Variants in EFNA5 observed in about 807,000 individuals in gnomAD.
EFNA5 encodes ephrin A5, also known as ephrin-A5.
A neutral mutation model predicts 22.9 loss-of-function variants in EFNA5; 5 were observed. The ratio of observed to expected loss-of-function variants is 0.22; its 90% CI spans 0.11 to 0.46. EFNA5 has a LOEUF of 0.46. Among genes scored for constraint, EFNA5 ranks in the 20% least tolerant of loss-of-function variants. The pLI, the probability that EFNA5 is intolerant of heterozygous loss-of-function variation, is 0.99. For synonymous variants in EFNA5, 113 were observed against 112.2 expected (o/e 1.01, Z -0.04); for missense variants, 237 against 293.3 (o/e 0.81, Z 1.40).
Position 107,462,015 on chromosome 5 carries a change from T to C in EFNA5, c.126-34506A>G, listed in dbSNP as rs138776606. Among the ~76,000 whole-genome samples the C allele has an allele frequency of 1.1e-4, 16 of 152,300 alleles. No homozygotes were observed. In the East Asian group the frequency reaches 2.9e-3, roughly 28 times the overall value. Reference sequence around the variant, plus strand: ...TGCCCTGCACAGAGCAACCTCTTCATCAATTATTTCCTGCAACTCTTCAGA... The same window carrying C: ...TGCCCTGCACAGAGCAACCTCTTCACCAATTATTTCCTGCAACTCTTCAGA... On this transcript the variant is annotated intron_variant, in intron 1 of 4. Transcript: ENST00000333274.
intron 1 of EFNA5, among the ~76,000 whole-genome samples, chr5:107,585,845 G>A (rs986638943): frequency 2.0e-5 from 3 of 152,196 alleles, no homozygotes; most frequent in African/African-American, 7.2e-5. Flanking sequence ...CATCTGGATG[G>A]CAATCAATCA....
At chr5:107,564,631 GTTTT>G in intron 1 of EFNA5, among the ~76,000 whole-genome samples, 1 of 115,032 alleles carries the variant, frequency 8.7e-6, no homozygotes, top group Middle Eastern at 4.8e-3. Flanking sequence ...TTGGGTTTTT[GTTTT>G]TTTTTTTTTT....
chr5:107,522,182 A>G (rs1046209861), intron 1 of EFNA5, among the ~76,000 whole-genome samples: 4 of 152,254 alleles, frequency 2.6e-5, no homozygotes, highest in Non-Finnish European at 4.4e-5. Flanking sequence ...TTTTATATGA[A>G]TTTGTACTCA....
intron 1 of EFNA5, among the ~76,000 whole-genome samples, chr5:107,495,610 A>G (rs532326934): frequency 6.1e-4 from 93 of 152,322 alleles, no homozygotes; most frequent in Non-Finnish European, 1.1e-3. Flanking sequence ...CAGAATATGC[A>G]GTCTTGTGTA....
chr5:107,595,085 C>A (rs1277323329), intron 1 of EFNA5, among the ~76,000 whole-genome samples: 1 of 151,972 alleles, frequency 6.6e-6, no homozygotes, highest in African/African-American at 2.4e-5. Flanking sequence ...TTGGTCCCCC[C>A]TTTAGTAACC....
intron 2 of EFNA5, among the ~76,000 whole-genome samples, chr5:107,408,672 T>C (rs1230106001): frequency 1.3e-5 from 2 of 152,230 alleles, no homozygotes; most frequent in Non-Finnish European, 2.9e-5. Context: ...TGTCATTCTC[T>C]TTATATTGGC....
rs372825412 is a variant in EFNA5 at position 107,425,099 on chromosome 5, A to C, written c.418+2118T>G. On this transcript the variant is annotated intron_variant, in intron 2 of 4. Transcript: ENST00000333274. Reference sequence around the variant, plus strand: ...AATTACTTTGACGGAAGCCCTTGACAGTTAAATGACTCCGTTAAATGAATG... The same window carrying C: ...AATTACTTTGACGGAAGCCCTTGACCGTTAAATGACTCCGTTAAATGAATG... Among the ~76,000 whole-genome samples the C allele has an allele frequency of 1.4e-4, 21 of 152,370 alleles. No individual in the cohort carries two copies. In the East Asian group the frequency reaches 2.3e-3, roughly 17 times the overall value.
At chr5:107,426,960 T>C (rs1748825228) in intron 2 of EFNA5, 8 of 399,114 alleles carry the variant, frequency 2.0e-5, no homozygotes, top group Non-Finnish European at 3.6e-5. Context: ...GCAATTTTCA[T>C]TTAAAAAAAA....
chr5:107,534,232 G>A (rs763376392), intron 1 of EFNA5, among the ~76,000 whole-genome samples: 2 of 152,152 alleles, frequency 1.3e-5, no homozygotes, highest in Admixed American at 6.5e-5. Flanking sequence ...GACTTTCACC[G>A]TAAATAGAGT....
At chr5:107,532,287 G>A (rs1385301431) in intron 1 of EFNA5, among the ~76,000 whole-genome samples, 1 of 152,212 alleles carries the variant, frequency 6.6e-6, no homozygotes, top group Non-Finnish European at 1.5e-5. Flanking sequence ...CTGGGAGATG[G>A]GAGACATCTG....
At chr5:107,396,973 G>C (rs1035200200) in intron 2 of EFNA5, among the ~76,000 whole-genome samples, 15 of 152,166 alleles carry the variant, frequency 9.9e-5, no homozygotes, top group Non-Finnish European at 1.9e-4. Context: ...AGACATGACA[G>C]TGATGACACT....
At chr5:107,473,539 G>A (rs1408671173) in intron 1 of EFNA5, among the ~76,000 whole-genome samples, 2 of 151,990 alleles carry the variant, frequency 1.3e-5, no homozygotes, top group African/African-American at 4.8e-5. Context: ...TGAAAATACA[G>A]GTAGCCTAAC....
intron 1 of EFNA5, among the ~76,000 whole-genome samples, chr5:107,642,148 T>C (rs1367255944): frequency 6.6e-6 from 1 of 152,168 alleles, no homozygotes; most frequent in Non-Finnish European, 1.5e-5. Context: ...ATCTACTTAA[T>C]GAGACATTTC....
chr5:107,546,228 G>C (rs1748149867), intron 1 of EFNA5, among the ~76,000 whole-genome samples: 1 of 152,046 alleles, frequency 6.6e-6, no homozygotes. Context: ...AATTTGTAGG[G>C]GCCGCCCTCC....
Position 107,497,873 on chromosome 5 carries a change from T to G in EFNA5, c.126-70364A>C, listed in dbSNP as rs140485175. 1.3e-3 allele frequency among the ~76,000 whole-genome samples: 194 copies of G among 152,356 alleles called. 1 individual carries two copies. Among genetic ancestry groups the G allele is most frequent in the African/African-American group, 4.6e-3 (193 of 41,588 alleles). ...CAAAGGAGAGAAAAACTAAAACATTTAATTATTAGCATGAAGTTTACCATT... is the reference window on the plus strand; with the variant it reads ...CAAAGGAGAGAAAAACTAAAACATTGAATTATTAGCATGAAGTTTACCATT... On this transcript the variant is annotated intron_variant, in intron 1 of 4. Transcript: ENST00000333274.
intron 1 of EFNA5, among the ~76,000 whole-genome samples, chr5:107,563,426 G>T (rs1285475636): frequency 6.6e-6 from 1 of 151,774 alleles, no homozygotes; most frequent in Non-Finnish European, 1.5e-5. Context: ...ATTTTTAAAA[G>T]TTATTATTAT....
Position 107,534,859 on chromosome 5 carries a change from T to C in EFNA5, c.126-107350A>G, listed in dbSNP as rs75039256. ...AAAACAAAATTGATACAAAGGAAAA[T>C]AGTATATCTTCAAAGGGAGCCTGAT... On this transcript the variant is annotated intron_variant, in intron 1 of 4. Coordinates refer to ENST00000333274, the MANE Select transcript of EFNA5 (RefSeq NM_001962.3). Among the ~76,000 whole-genome samples, 85 of 152,238 alleles carry C rather than the reference T, an allele frequency of 5.6e-4. No homozygotes were observed. The East Asian group carries it at 7.3e-3, about 13-fold the overall frequency.
intron 1 of EFNA5, among the ~76,000 whole-genome samples, chr5:107,670,030 TAAA>T (rs67814628): frequency 0.065 from 7,554 of 116,700 alleles, 312 homozygotes; most frequent in African/African-American, 0.12. Context: ...AAATTAAAAT[TAAA>T]AAAAAAAAAA....
intron 1 of EFNA5, among the ~76,000 whole-genome samples, chr5:107,577,450 G>A (rs976740875): frequency 3.3e-5 from 5 of 152,098 alleles, no homozygotes; most frequent in African/African-American, 1.2e-4. Context: ...CCCAGTGAAG[G>A]TTCAGCAATA....
Sources: allele counts gnomAD v4.1 joint callset (sites outside exome capture counted in the v4.1 genomes callset), GRCh38; gene constraint gnomAD v4.1.1; transcripts MANE v1.5; gene names NCBI Gene and HGNC (gene_info 2026-07-23, HGNC 2026-07-21).